KALRN: variants seen among roughly 807,000 people sequenced by gnomAD.
The protein encoded by KALRN is kalirin.
KALRN carries 70 observed loss-of-function variants against 353.7 expected under a neutral mutation model. That is an observed-to-expected ratio of 0.20 (90% CI 0.16 to 0.24). The LOEUF (loss-of-function observed/expected upper bound fraction) is 0.24, where lower values mean the gene tolerates loss of function less well. Among genes scored for constraint, KALRN ranks in the 10% least tolerant of loss-of-function variants. The pLI is 1.00. For missense variants in KALRN, 2,791 were observed against 3,756.7 expected (o/e 0.74, Z 6.72); for synonymous variants, 1,391 against 1,434.8 (o/e 0.97, Z 0.69).
chr3:124,267,508 CT>C (rs908922917), intron 4 of KALRN, among the ~76,000 whole-genome samples: 2 of 152,312 alleles, frequency 1.3e-5, no homozygotes, highest in African/African-American at 4.8e-5. Context: ...ACTCTTAAAC[CT>C]ACTGATGTCC....
intron 13 of KALRN, among the ~76,000 whole-genome samples, chr3:124,401,902 A>T (rs2150129282): frequency 6.6e-6 from 1 of 152,304 alleles, no homozygotes; most frequent in South Asian, 2.1e-4. Context: ...ATGAAGAACA[A>T]ACTTTTAGAG....
chr3:124,672,706 G>T (rs2086614631), intron 48 of KALRN, among the ~76,000 whole-genome samples: 1 of 152,176 alleles, frequency 6.6e-6, no homozygotes, highest in South Asian at 2.1e-4. Context: ...GCCCCTACAA[G>T]GTAGGTAGAA....
intron 55 of KALRN, 72 bp from the exon 56 acceptor site, chr3:124,699,797 G>T: frequency 1.4e-6 from 2 of 1,443,472 alleles, no homozygotes; most frequent in Non-Finnish European, 1.9e-6. Flanking sequence ...TCCTGTCTTT[G>T]TTTGCTGAAG....
chr3:124,138,487 C>A (rs2066214839), intron 1 of KALRN, among the ~76,000 whole-genome samples: 1 of 152,156 alleles, frequency 6.6e-6, no homozygotes, highest in South Asian at 2.1e-4. Flanking sequence ...ACTCAATGGG[C>A]AGAGACAGAC....
intron 34 of KALRN, chr3:124,584,963 C>T (rs1228179057): frequency 3.3e-6 from 5 of 1,518,708 alleles, no homozygotes; most frequent in East Asian, 5.1e-5. Context: ...TCGCGCTCAG[C>T]GCGAGGGAGG....
intron 1 of KALRN, among the ~76,000 whole-genome samples, chr3:124,072,164 C>T (rs2060047757): frequency 6.6e-6 from 1 of 152,160 alleles, no homozygotes; most frequent in Admixed American, 6.5e-5. Context: ...AGGAGCTATT[C>T]CTTTTTAAGT....
chr3:124,157,655 G>C (rs2069205108), intron 1 of KALRN, among the ~76,000 whole-genome samples: 1 of 152,150 alleles, frequency 6.6e-6, no homozygotes, highest in Non-Finnish European at 1.5e-5. Context: ...CGAAATAAGG[G>C]GGGTAGAAGT....
chr3:124,701,347 G>T (rs1438363984), intron 56 of KALRN, among the ~76,000 whole-genome samples: 3 of 151,886 alleles, frequency 2.0e-5, no homozygotes, highest in African/African-American at 7.3e-5. Context: ...CCTGAGAAGA[G>T]CGGGATAAGA....
At chr3:124,231,077 C>A (rs1337876467) in intron 2 of KALRN, among the ~76,000 whole-genome samples, 1 of 152,194 alleles carries the variant, frequency 6.6e-6, no homozygotes, top group African/African-American at 2.4e-5. Context: ...CCTCTGCTAG[C>A]GCCCAGCCTT....
chr3:124,359,150 A>T (rs1233951479), intron 10 of KALRN, among the ~76,000 whole-genome samples: 1 of 152,122 alleles, frequency 6.6e-6, no homozygotes, highest in Non-Finnish European at 1.5e-5. Context: ...CATCTTTTTA[A>T]CCCAAAAGGT....
At chr3:124,679,842 GA>G (rs2087586733) in intron 51 of KALRN, 6 of 392,924 alleles carry the variant, frequency 1.5e-5, no homozygotes, top group Non-Finnish European at 2.4e-5. Flanking sequence ...TTTTTTCATG[GA>G]AAACAGCACT....
intron 1 of KALRN, among the ~76,000 whole-genome samples, chr3:124,117,963 T>G (rs1315229100): frequency 3.9e-5 from 6 of 152,232 alleles, no homozygotes; most frequent in Non-Finnish European, 8.8e-5. Flanking sequence ...TTAAAAATTT[T>G]AGAAATGACA....
chr3:124,689,089 G>T (rs1269081682), intron 51 of KALRN, among the ~76,000 whole-genome samples: 1 of 152,230 alleles, frequency 6.6e-6, no homozygotes, highest in African/African-American at 2.4e-5. Context: ...GTCTACACCA[G>T]CCCTGTCCTC....
At chr3:124,577,133 T>G (rs957375183) in intron 34 of KALRN, among the ~76,000 whole-genome samples, 1 of 152,026 alleles carries the variant, frequency 6.6e-6, no homozygotes, top group African/African-American at 2.4e-5. Flanking sequence ...GGGAGACATC[T>G]GTGTCCTCTC....
At chr3:124,625,197 A>G (rs181704409) in intron 34 of KALRN, among the ~76,000 whole-genome samples, 4 of 152,212 alleles carry the variant, frequency 2.6e-5, no homozygotes, top group Non-Finnish European at 5.9e-5. Flanking sequence ...GGAAACCAAG[A>G]TACAGAGATA....
intron 3 of KALRN, among the ~76,000 whole-genome samples, chr3:124,246,782 A>T (rs1177050743): frequency 6.6e-6 from 1 of 152,184 alleles, no homozygotes; most frequent in Non-Finnish European, 1.5e-5. Context: ...GTGAAATAAG[A>T]TCCAATGCAT....
At chr3:124,457,813 A>C (rs1335833678) in intron 23 of KALRN, among the ~76,000 whole-genome samples, 1 of 152,126 alleles carries the variant, frequency 6.6e-6, no homozygotes, top group Non-Finnish European at 1.5e-5. Context: ...CAAATTGTAA[A>C]TGGTTTGCTA....
intron 10 of KALRN, among the ~76,000 whole-genome samples, chr3:124,358,648 A>G (rs964023295): frequency 3.3e-5 from 5 of 152,184 alleles, no homozygotes; most frequent in African/African-American, 9.7e-5. Flanking sequence ...CAACAATAAT[A>G]ACACCTACTG....
chr3:124,251,891 C>A (rs2071228474), intron 3 of KALRN, among the ~76,000 whole-genome samples: 1 of 152,148 alleles, frequency 6.6e-6, no homozygotes. Context: ...ACCACCACAT[C>A]CCTGTTCCAG....
Sources: allele counts gnomAD v4.1 joint callset (sites outside exome capture counted in the v4.1 genomes callset), GRCh38; gene constraint gnomAD v4.1.1; transcripts MANE v1.5; gene names NCBI Gene and HGNC (gene_info 2026-07-23, HGNC 2026-07-21).